The following VWA3B variants were observed in gnomAD, a reference collection of about 807,000 sequenced individuals.
VWA3B encodes von Willebrand factor A domain containing 3B.
A neutral mutation model predicts 158.3 loss-of-function variants in VWA3B; 138 were observed. The observed-to-expected ratio is 0.87, with a 90% CI of 0.76 to 1.00. VWA3B has a LOEUF of 1.00. VWA3B is among the 50% of genes least tolerant of loss of function. VWA3B has a pLI of 0.00. For missense variants in VWA3B, 1,555 were observed against 1,565.1 expected (o/e 0.99, Z 0.11); for synonymous variants, 596 against 587.3 (o/e 1.01, Z -0.21).
intron 9 of VWA3B, 41 bp downstream of exon 9, chr2:98,181,253 T>G: frequency 6.3e-7 from 1 of 1,593,082 alleles, no homozygotes; most frequent in Non-Finnish European, 8.6e-7. Flanking sequence ...GGGCCTCCCC[T>G]CAAGTCCTGG....
At chr2:98,160,525 C>A (rs948729258) in intron 7 of VWA3B, among the ~76,000 whole-genome samples, 5 of 152,158 alleles carry the variant, frequency 3.3e-5, no homozygotes, top group Admixed American at 1.3e-4. Flanking sequence ...CCTGGATGAC[C>A]AAGAGCCGAC....
At chr2:98,165,551 G>A (rs1360043841) in intron 8 of VWA3B, among the ~76,000 whole-genome samples, 1 of 152,168 alleles carries the variant, frequency 6.6e-6, no homozygotes, top group African/African-American at 2.4e-5. Context: ...GCAGAGGGCA[G>A]GGAGGTCAGG....
At chr2:98,168,940 G>A (rs1347586860) in intron 8 of VWA3B, among the ~76,000 whole-genome samples, 1 of 152,186 alleles carries the variant, frequency 6.6e-6, no homozygotes, top group Non-Finnish European at 1.5e-5. Flanking sequence ...GAAATGTGTT[G>A]ACAAGTTTCC....
At chr2:98,115,631 T>G (rs1412585406) in intron 2 of VWA3B, 21 bp from the exon 3 acceptor site, 2 of 1,603,984 alleles carry the variant, frequency 1.2e-6, no homozygotes, top group Admixed American at 3.3e-5. Flanking sequence ...GTTTTGATTG[T>G]TTTTCTTTAT....
rs1681874204 is a variant in VWA3B, at chr2:98,194,504, A to G, written c.1737+12A>G. 1.9e-6 allele frequency: 3 copies of G among 1,612,964 alleles called. No homozygotes were observed. The highest frequency in any genetic ancestry group is 2.5e-6 in the Non-Finnish European group (3 of 1,179,096). On this transcript the variant is annotated intron_variant, in intron 12 of 27. Coordinates refer to ENST00000477737, the MANE Select transcript of VWA3B (RefSeq NM_144992.5). ...TTAGAGACATAAAGGTAAGTTGGAG[A>G]CTAAGCTGGGAGAAGCATCCTAGGA...
intron 20 of VWA3B, among the ~76,000 whole-genome samples, chr2:98,252,691 A>G (rs965974878): frequency 2.0e-5 from 3 of 152,158 alleles, no homozygotes; most frequent in Admixed American, 2.0e-4. Flanking sequence ...CCATAGGTGC[A>G]TGGAGTGAAA....
intron 19 of VWA3B, among the ~76,000 whole-genome samples, chr2:98,246,124 A>T (rs1389226712): frequency 6.6e-6 from 1 of 152,086 alleles, no homozygotes; most frequent in Non-Finnish European, 1.5e-5. Context: ...TGTAGTTTTT[A>T]AAAAATGAAA....
chr2:98,220,953 C>G (rs1046120921), intron 14 of VWA3B, among the ~76,000 whole-genome samples: 9 of 152,080 alleles, frequency 5.9e-5, no homozygotes, highest in African/African-American at 1.9e-4. Context: ...GGGAACATCA[C>G]ACACCTGGGG....
At chr2:98,202,513 G>A (rs1682636578) in intron 12 of VWA3B, among the ~76,000 whole-genome samples, 1 of 151,192 alleles carries the variant, frequency 6.6e-6, no homozygotes, top group African/African-American at 2.4e-5. Context: ...GTTGATTCCT[G>A]CTATCTTTAT....
chr2:98,255,541 T>C (rs533849713), intron 20 of VWA3B, among the ~76,000 whole-genome samples: 1 of 152,170 alleles, frequency 6.6e-6, no homozygotes, highest in Non-Finnish European at 1.5e-5. Context: ...CCTCCTTCTT[T>C]GCTCTTGGGT....
intron 15 of VWA3B, among the ~76,000 whole-genome samples, chr2:98,228,575 G>A (rs62156680): frequency 0.13 from 20,057 of 152,118 alleles, 1,968 homozygotes; most frequent in Non-Finnish European, 0.2. Context: ...TGTGTGGACG[G>A]GCCCCCAGAC....
At chr2:98,104,864 A>G (rs144212081) in intron 2 of VWA3B, among the ~76,000 whole-genome samples, 12 of 152,350 alleles carry the variant, frequency 7.9e-5, no homozygotes, top group African/African-American at 2.4e-4. Context: ...AGTAGATTTC[A>G]TATGACTTCA....
chr2:98,258,762 C>T (rs2105835193), intron 21 of VWA3B, among the ~76,000 whole-genome samples: 1 of 151,884 alleles, frequency 6.6e-6, no homozygotes, highest in East Asian at 1.9e-4. Flanking sequence ...TATATAGAAA[C>T]ATATCATCTG....
At chr2:98,176,193 T>G (rs1680002508) in intron 8 of VWA3B, among the ~76,000 whole-genome samples, 1 of 152,046 alleles carries the variant, frequency 6.6e-6, no homozygotes, top group African/African-American at 2.4e-5. Context: ...AGTTGTTATG[T>G]TTCTCCCTCC....
chr2:98,263,998 T>C (rs570393391), intron 21 of VWA3B, among the ~76,000 whole-genome samples: 1 of 152,136 alleles, frequency 6.6e-6, no homozygotes, highest in East Asian at 1.9e-4. Context: ...TATCCATTTC[T>C]TCTTGGTTAT....
intron 21 of VWA3B, among the ~76,000 whole-genome samples, chr2:98,265,469 G>C (rs1227950467): frequency 2.0e-5 from 3 of 152,020 alleles, no homozygotes; most frequent in Admixed American, 6.5e-5. Context: ...TTGGTTCCAA[G>C]TCTTTGCTAT....
intron 7 of VWA3B, among the ~76,000 whole-genome samples, chr2:98,138,265 T>G (rs1252372848): frequency 6.6e-6 from 1 of 152,234 alleles, no homozygotes; most frequent in Admixed American, 6.5e-5. Flanking sequence ...CCGTGGCCAG[T>G]GTCTCCCGTC....
At chr2:98,161,630 A>C (rs1346195504) in intron 7 of VWA3B, among the ~76,000 whole-genome samples, 1 of 152,228 alleles carries the variant, frequency 6.6e-6, no homozygotes, top group African/African-American at 2.4e-5. Context: ...ATTCACAGGC[A>C]GTGGTAATAA....
chr2:98,317,431 G>A (rs977914213), downstream of VWA3B, among the ~76,000 whole-genome samples: 1 of 152,166 alleles, frequency 6.6e-6, no homozygotes, highest in African/African-American at 2.4e-5. Flanking sequence ...GGGGGTCGGA[G>A]GTGCCTCATT....
Sources: gnomAD v4.1 joint callset for allele counts (sites outside exome capture counted in the v4.1 genomes callset) on GRCh38, gnomAD v4.1.1 for gene constraint, MANE v1.5 for transcripts, NCBI Gene and HGNC (gene_info 2026-07-23, HGNC 2026-07-21) for gene names.